The following MTA3 variants were observed in gnomAD, a reference collection of about 807,000 sequenced individuals.
MTA3 encodes the protein metastasis-associated protein MTA3.
In MTA3, 34 loss-of-function variants were observed where a neutral mutation model predicts 83.5. That is an observed-to-expected ratio of 0.41 (90% CI 0.31 to 0.54). The LOEUF (loss-of-function observed/expected upper bound fraction) is 0.54. Ranked by LOEUF, MTA3 falls within the 20% of genes least tolerant of loss-of-function variation. MTA3 has a pLI of 0.33. For synonymous variants in MTA3, 303 were observed against 252.7 expected (o/e 1.20, Z -1.89); for missense variants, 761 against 726.4 (o/e 1.05, Z -0.55).
chr2:42,754,285 A>G lies in MTA3; in HGVS notation c.*886A>G. The G allele has an allele frequency of 1.0e-6, 1 of 985,426 alleles. No homozygotes were observed. The highest frequency in any genetic ancestry group is 1.2e-6 in the Non-Finnish European group (1 of 829,954). 61.0% of individuals were successfully genotyped at this position (985,426 alleles called of 1,614,324 possible). A position where few individuals can be genotyped will look rare whatever the true frequency, so the allele number is the denominator to read the frequency against. ...AGCAGGTCACAAATGACCTAGTTTC[A>G]TTTTAAGCAGACAGACTCTGTTTGG... is the stretch of plus-strand genomic sequence containing the variant. On this transcript the variant is annotated 3_prime_UTR_variant, in exon 17 of 17. Transcript: ENST00000405094.
upstream of MTA3, among the ~76,000 whole-genome samples, chr2:42,563,775 C>T (rs866982226): frequency 7.1e-6 from 1 of 140,360 alleles, no homozygotes; most frequent in African/African-American, 2.7e-5. Flanking sequence ...CTGGACCAAA[C>T]ATTCCTTCCT....
At chr2:42,707,384 C>T (rs1221046770) in intron 12 of MTA3, among the ~76,000 whole-genome samples, 1 of 152,052 alleles carries the variant, frequency 6.6e-6, no homozygotes, top group Non-Finnish European at 1.5e-5. Context: ...GCTAGGACTA[C>T]AGGTGCGTGC....
At chr2:42,738,065 C>G (rs1668736267) in intron 16 of MTA3, among the ~76,000 whole-genome samples, 1 of 152,178 alleles carries the variant, frequency 6.6e-6, no homozygotes, top group Admixed American at 6.5e-5. Flanking sequence ...AGTTTGAGAT[C>G]AGCATTGGCA....
intron 8 of MTA3, among the ~76,000 whole-genome samples, chr2:42,662,293 G>T (rs1031948015): frequency 1.3e-5 from 2 of 151,862 alleles, no homozygotes; most frequent in Non-Finnish European, 2.9e-5. Flanking sequence ...GTGAGCATGT[G>T]TGTGAGTTTT....
intron 16 of MTA3, among the ~76,000 whole-genome samples, chr2:42,726,307 T>A (rs1416337722): frequency 1.3e-5 from 2 of 151,852 alleles, no homozygotes; most frequent in African/African-American, 4.8e-5. Context: ...GTGGCTTGCC[T>A]CCTCCACTCA....
At chr2:42,662,540 G>A (rs904675225) in intron 8 of MTA3, among the ~76,000 whole-genome samples, 4 of 151,276 alleles carry the variant, frequency 2.6e-5, no homozygotes, top group African/African-American at 4.9e-5. Context: ...TCATATTTTA[G>A]GTTCCTAGAT....
At chr2:42,581,384 T>TTC (rs1553348555) in intron 3 of MTA3, among the ~76,000 whole-genome samples, 1 of 146,072 alleles carries the variant, frequency 6.8e-6, no homozygotes, top group Non-Finnish European at 1.5e-5. Context: ...TTTTTTTTTT[T>TTC]TCGGAGACAG....
At chr2:42,709,275 C>T (rs964578116) in intron 14 of MTA3, 179 bp downstream of exon 14, 1 of 1,356,110 alleles carries the variant, frequency 7.4e-7, no homozygotes, top group African/African-American at 2.5e-5. Flanking sequence ...ATCATGCCAA[C>T]CTGGAAAAAA....
chr2:42,636,210 T>C (rs1687178196), intron 4 of MTA3, among the ~76,000 whole-genome samples: 1 of 152,176 alleles, frequency 6.6e-6, no homozygotes, highest in Admixed American at 6.6e-5. Context: ...TGCACTTTTC[T>C]AAGTGGGTAG....
intron 3 of MTA3, among the ~76,000 whole-genome samples, chr2:42,592,914 G>A (rs1681206239): frequency 6.6e-6 from 1 of 152,212 alleles, no homozygotes; most frequent in East Asian, 1.9e-4. Context: ...ACTTGGGGAG[G>A]CTGAGGTGGG....
intron 4 of MTA3, among the ~76,000 whole-genome samples, chr2:42,627,398 G>A (rs1038761907): frequency 2.0e-5 from 3 of 152,064 alleles, no homozygotes; most frequent in Non-Finnish European, 2.9e-5. Flanking sequence ...ATTATATTAG[G>A]GAAAACCAGC....
chr2:42,689,735 A>C (rs1473376386), intron 9 of MTA3, among the ~76,000 whole-genome samples: 1 of 148,812 alleles, frequency 6.7e-6, no homozygotes, highest in African/African-American at 2.5e-5. Flanking sequence ...ATCTGTATTT[A>C]CATCTACTCT....
Position 42,755,559 on chromosome 2 carries a change from G to A in MTA3, c.*2160G>A, listed in dbSNP as rs373991783. The A allele has an allele frequency of 1.5e-4, 150 of 985,448 alleles. 2 individuals are homozygous for A. In the South Asian group the frequency reaches 2.7e-3, roughly 18 times the overall value. 61.0% of individuals were successfully genotyped at this position (985,448 alleles called of 1,614,324 possible). On this transcript the variant is annotated 3_prime_UTR_variant, in exon 17 of 17. Transcript: ENST00000405094. ...TCTGTAGTCCAGTCATCCTAGGAGG[G>A]TGATGTTGACTGAGACTTCACGCTC...
chr2:42,705,927 A>G (rs1666042069), intron 12 of MTA3, among the ~76,000 whole-genome samples: 1 of 152,234 alleles, frequency 6.6e-6, no homozygotes, highest in African/African-American at 2.4e-5. Flanking sequence ...TTTTCTATTT[A>G]TTAAATGATA....
chr2:42,561,737 G>T (rs1326112488), intron 2 of MTA3, among the ~76,000 whole-genome samples: 1 of 152,140 alleles, frequency 6.6e-6, no homozygotes, highest in African/African-American at 2.4e-5. Flanking sequence ...CTTAGATAAA[G>T]TGGTGAGGGG....
At chr2:42,726,149 A>G (rs918487998) in intron 16 of MTA3, among the ~76,000 whole-genome samples, 15 of 152,314 alleles carry the variant, frequency 9.8e-5, no homozygotes, top group African/African-American at 3.4e-4. Context: ...AATAAAATCA[A>G]TTAGCACTGC....
intron 3 of MTA3, among the ~76,000 whole-genome samples, chr2:42,587,770 T>G (rs2103918172): frequency 6.6e-6 from 1 of 152,168 alleles, no homozygotes; most frequent in South Asian, 2.1e-4. Flanking sequence ...CCCAGCTAAT[T>G]TTTGCATTTT....
At chr2:42,495,072 T>G (rs1572876129) in intron 1 of MTA3, 1 of 152,674 alleles carries the variant, frequency 6.5e-6, no homozygotes, top group East Asian at 1.9e-4. Context: ...AAGGGTGGGG[T>G]AGGGTGAGAT....
chr2:42,601,772 C>T (rs1008820310), intron 3 of MTA3, among the ~76,000 whole-genome samples: 1 of 152,142 alleles, frequency 6.6e-6, no homozygotes. Flanking sequence ...CTCCACCTTT[C>T]AGGTTCAAGT....
Sources: gnomAD v4.1 joint callset for allele counts (sites outside exome capture counted in the v4.1 genomes callset) on GRCh38, gnomAD v4.1.1 for gene constraint, MANE v1.5 for transcripts, NCBI Gene and HGNC (gene_info 2026-07-23, HGNC 2026-07-21) for gene names.